GSDMC: variants seen among roughly 807,000 people sequenced by gnomAD.
GSDMC encodes gasdermin C.
Under a neutral mutation model 58.0 loss-of-function variants are expected in GSDMC, and 59 were observed. That is an observed-to-expected ratio of 1.02 (90% CI 0.82 to 1.26). The LOEUF (loss-of-function observed/expected upper bound fraction) is 1.26, where lower values mean the gene tolerates loss of function less well. Among genes scored for constraint, GSDMC ranks in the 50% most tolerant of loss-of-function variants. The pLI, the probability that GSDMC is intolerant of heterozygous loss-of-function variation, is 0.00. For missense variants in GSDMC, 659 were observed against 598.5 expected (o/e 1.10, Z -1.06); for synonymous variants, 241 against 220.2 (o/e 1.09, Z -0.83).
the GSDMC span, among the ~76,000 whole-genome samples, chr8:129,712,234 A>G: frequency 1.3e-5 from 2 of 152,238 alleles, no homozygotes; most frequent in African/African-American, 4.8e-5. Context: ...ATATTTTATC[A>G]TTGAATACAT....
chr8:129,779,156 A>G lies in GSDMC; in HGVS notation c.-4-1565T>C, dbSNP rs567299653. 2.0e-5 allele frequency among the ~76,000 whole-genome samples: 3 copies of G among 152,356 alleles called. No homozygotes were observed. In the South Asian group the frequency reaches 6.2e-4, roughly 32 times the overall value. On this transcript the variant is annotated intron_variant, in intron 1 of 13. Coordinates refer to ENST00000276708, the MANE Select transcript of GSDMC (RefSeq NM_031415.3). ...ATCATTTTATAATAAAGACACATGC[A>G]TGCATATGTTCATTGCAGCACTATT...
At chr8:129,747,661 G>C (rs2032997896), downstream of GSDMC, among the ~76,000 whole-genome samples, 1 of 152,160 alleles carries the variant, frequency 6.6e-6, no homozygotes, top group Non-Finnish European at 1.5e-5. Flanking sequence ...CCCCATGCCT[G>C]CTGTGATATG....
the GSDMC span, among the ~76,000 whole-genome samples, chr8:129,725,238 C>A: frequency 6.6e-6 from 1 of 152,290 alleles, no homozygotes; most frequent in African/African-American, 2.4e-5. Flanking sequence ...AATGGCAGCA[C>A]GTCCCTGTCC....
chr8:129,752,237 T>A, intron 7 of GSDMC, 90 bp from the exon 8 acceptor site: 2 of 953,552 alleles, frequency 2.1e-6, no homozygotes, highest in South Asian at 1.4e-5. Context: ...GTCTCACCTC[T>A]AACTCCTCTA....
the GSDMC span, among the ~76,000 whole-genome samples, chr8:129,716,129 G>T: frequency 6.6e-6 from 1 of 152,086 alleles, no homozygotes; most frequent in Non-Finnish European, 1.5e-5. Flanking sequence ...TTTAAAAAGT[G>T]GCAAGATGAT....
intron 6 of GSDMC, among the ~76,000 whole-genome samples, chr8:129,754,945 CAATG>C (rs2033368399): frequency 6.6e-6 from 1 of 151,902 alleles, no homozygotes; most frequent in African/African-American, 2.4e-5. Flanking sequence ...GAATAAAAAA[CAATG>C]AAGCACACAC....
intron 3 of GSDMC, among the ~76,000 whole-genome samples, chr8:129,767,310 C>T (rs1262950353): frequency 1.3e-5 from 2 of 152,154 alleles, no homozygotes; most frequent in African/African-American, 4.8e-5. Context: ...GGCCAGCCAG[C>T]AACCACACCT....
chr8:129,777,735 T>G (rs918265806), intron 1 of GSDMC, 144 bp from the exon 2 acceptor site: 13 of 615,442 alleles, frequency 2.1e-5, no homozygotes, highest in Non-Finnish European at 3.5e-5. Context: ...AGATTATAAC[T>G]TTCTCAACTT....
At chr8:129,762,877 T>A in intron 4 of GSDMC, 146 bp from the exon 5 acceptor site, 1 of 571,562 alleles carries the variant, frequency 1.7e-6, no homozygotes, top group Admixed American at 3.2e-5. Context: ...CACTGCTCTT[T>A]CTTCCTTATT....
At chr8:129,739,046 A>T in the GSDMC span, among the ~76,000 whole-genome samples, 1 of 151,624 alleles carries the variant, frequency 6.6e-6, no homozygotes, top group South Asian at 2.1e-4. Flanking sequence ...AAGAGTTTTT[A>T]TTTTTTTTTA....
the GSDMC span, among the ~76,000 whole-genome samples, chr8:129,725,177 A>G: frequency 6.6e-6 from 1 of 152,216 alleles, no homozygotes; most frequent in African/African-American, 2.4e-5. Flanking sequence ...TTATTAGACT[A>G]TCTGTTGGAG....
chr8:129,732,214 A>G, the GSDMC span, among the ~76,000 whole-genome samples: 5 of 152,108 alleles, frequency 3.3e-5, 1 homozygote, highest in Admixed American at 3.3e-4. Context: ...CCCTAGTCGA[A>G]CAAGTGCCAG....
intron 7 of GSDMC, among the ~76,000 whole-genome samples, chr8:129,752,370 C>G (rs2033244713): frequency 6.6e-6 from 1 of 152,158 alleles, no homozygotes; most frequent in Admixed American, 6.5e-5. Flanking sequence ...AAGGAGAAAG[C>G]CTGGTTTCCC....
intron 1 of GSDMC, among the ~76,000 whole-genome samples, chr8:129,780,208 A>G (rs2034364239): frequency 6.6e-6 from 1 of 152,206 alleles, no homozygotes; most frequent in Admixed American, 6.5e-5. Flanking sequence ...ATTGAGAAAC[A>G]GATAGGTGTA....
chr8:129,746,901 A>T (rs2032973658), downstream of GSDMC, among the ~76,000 whole-genome samples: 1 of 152,194 alleles, frequency 6.6e-6, no homozygotes, highest in Admixed American at 6.5e-5. Context: ...TGAAAAAATT[A>T]TTTGATCACA....
rs757898221 is a variant in GSDMC, at chr8:129,750,402, C to T, written c.1083+29G>A. 7 of 1,602,710 alleles carry T rather than the reference C, an allele frequency of 4.4e-6. No individual in the cohort carries two copies. The Admixed American group carries it at 1.0e-4, about 24-fold the overall frequency. On this transcript the variant is annotated intron_variant, in intron 11 of 13. Coordinates refer to ENST00000276708, the MANE Select transcript of GSDMC (RefSeq NM_031415.3). Reference sequence around the variant, plus strand: ...AACCAATCCCATTTACAGCTTTTACCAGACCTATGCAACTGTGGAGCCCCT... The same window carrying T: ...AACCAATCCCATTTACAGCTTTTACTAGACCTATGCAACTGTGGAGCCCCT...
the GSDMC span, among the ~76,000 whole-genome samples, chr8:129,715,391 C>A: frequency 2.0e-5 from 3 of 151,932 alleles, no homozygotes; most frequent in African/African-American, 7.3e-5. Flanking sequence ...CAGCATCAAA[C>A]AGGGTAATTA....
At chr8:129,736,323 A>G in the GSDMC span, among the ~76,000 whole-genome samples, 3 of 152,214 alleles carry the variant, frequency 2.0e-5, no homozygotes, top group African/African-American at 7.2e-5. Flanking sequence ...AAAGCCTGGC[A>G]CAGATGCAAC....
chr8:129,724,299 A>G, the GSDMC span, among the ~76,000 whole-genome samples: 1 of 152,324 alleles, frequency 6.6e-6, no homozygotes, highest in East Asian at 1.9e-4. Flanking sequence ...GCCATTCCCA[A>G]ATTCTTAACC....
Sources: allele counts gnomAD v4.1 joint callset (sites outside exome capture counted in the v4.1 genomes callset), GRCh38; gene constraint gnomAD v4.1.1; transcripts MANE v1.5; gene names NCBI Gene and HGNC (gene_info 2026-07-23, HGNC 2026-07-21).